The following NCAPG2 variants were observed in gnomAD, a reference collection of about 807,000 sequenced individuals.
The protein encoded by NCAPG2 is non-SMC condensin II complex subunit G2.
NCAPG2 carries 53 observed loss-of-function variants against 141.1 expected under a neutral mutation model. The observed-to-expected ratio is 0.38, with a 90% CI of 0.30 to 0.47. The LOEUF (loss-of-function observed/expected upper bound fraction) is 0.47, where lower values mean the gene tolerates loss of function less well. NCAPG2 is among the 20% of genes least tolerant of loss of function. The probability of loss-of-function intolerance (pLI) is 0.99; values close to 1 mark genes in which losing one functional copy is unlikely to be tolerated. For missense variants in NCAPG2, 1,087 were observed against 1,389.0 expected (o/e 0.78, Z 3.46); for synonymous variants, 499 against 490.7 (o/e 1.02, Z -0.22).
intron 15 of NCAPG2, among the ~76,000 whole-genome samples, chr7:158,663,515 G>A (rs1832695429): frequency 6.6e-6 from 1 of 152,244 alleles, no homozygotes; most frequent in Non-Finnish European, 1.5e-5. Context: ...CAGGGCCTGG[G>A]TGAGCCATCT....
rs139784411 is a variant in NCAPG2 at position 158,679,840 on chromosome 7, T to C, written c.1146+120A>G. ...AAGAACAGTCCAGGTTTAGAAACCATGCCATGTGGGAGCAGAGCTCTGGCG... is the reference window on the plus strand; with the variant it reads ...AAGAACAGTCCAGGTTTAGAAACCACGCCATGTGGGAGCAGAGCTCTGGCG... On this transcript the variant is annotated intron_variant, in intron 11 of 27. Transcript: ENST00000356309. 1.7e-3 allele frequency: 2,291 copies of C among 1,323,334 alleles called. 31 individuals are homozygous for C. The African/African-American group carries it at 0.03, about 17-fold the overall frequency. The allele number at this position is 1,323,334 out of a possible 1,614,324, so 82.0% of individuals were successfully genotyped here. A position where few individuals can be genotyped will look rare whatever the true frequency, so the allele number is the denominator to read the frequency against.
At chr7:158,702,239 T>C (rs1835848241) in intron 1 of NCAPG2, 1 of 202,048 alleles carries the variant, frequency 4.9e-6, no homozygotes. Context: ...ATCTCTCCCT[T>C]TTTAGTACCT....
intron 13 of NCAPG2, chr7:158,668,355 C>A: frequency 1.0e-6 from 1 of 959,776 alleles, no homozygotes; most frequent in Non-Finnish European, 1.2e-6. Context: ...TGGGTCCCTC[C>A]GCCCTCCTTA....
intron 24 of NCAPG2, among the ~76,000 whole-genome samples, chr7:158,650,425 A>T (rs1587101636): frequency 6.6e-6 from 1 of 152,328 alleles, no homozygotes; most frequent in East Asian, 1.9e-4. Context: ...ACATGCAAAG[A>T]TATGTGAACT....
chr7:158,634,384 T>G (rs906097217), intron 27 of NCAPG2, among the ~76,000 whole-genome samples: 3 of 152,312 alleles, frequency 2.0e-5, no homozygotes, highest in East Asian at 3.9e-4. Context: ...TGTTATACTA[T>G]ATACTATATT....
rs560454731 is a variant in NCAPG2 at position 158,655,270 on chromosome 7, C to T, written c.2506-12G>A. 2 of 1,613,678 alleles carry T rather than the reference C, an allele frequency of 1.2e-6. No homozygotes were observed. The highest frequency in any genetic ancestry group is 1.7e-5 in the Admixed American group (1 of 59,912). The stretch of plus-strand genomic sequence containing the variant: ...CCTTCTGAGCAGAACTGTCCAAAAA[C>T]AAGAAGATAAATCAGTAACAAAAAG... On this transcript the variant is annotated splice_polypyrimidine_tract_variant and intron_variant, in intron 20 of 27. Transcript: ENST00000356309.
intron 27 of NCAPG2, among the ~76,000 whole-genome samples, chr7:158,643,991 A>G (rs923738474): frequency 1.6e-4 from 24 of 152,274 alleles, no homozygotes; most frequent in African/African-American, 5.8e-4. Flanking sequence ...TCAATAATGC[A>G]GCAACCACCA....
rs1427466298 is a variant in NCAPG2, at chr7:158,667,224, G to A, written c.1480-2474C>T. The A allele has an allele frequency of 1.0e-5, 10 of 985,292 alleles. No individual in the cohort carries two copies. The African/African-American group carries it at 1.4e-4, about 14-fold the overall frequency. The allele number at this position is 985,292 out of a possible 1,614,324, so 61.0% of individuals were successfully genotyped here. ...CGCAAACGTTCTGCCTTCTTCCTCT[G>A]CTCTGGCGCCCAAACTTCCTGGTGG... On this transcript the variant is annotated intron_variant, in intron 13 of 27. Transcript: ENST00000356309.
At chr7:158,643,951 G>A (rs1830819359) in intron 27 of NCAPG2, among the ~76,000 whole-genome samples, 1 of 152,226 alleles carries the variant, frequency 6.6e-6, no homozygotes, top group African/African-American at 2.4e-5. Context: ...TTGTCCGCTA[G>A]GTGTCTATCC....
chr7:158,686,118 T>C, intron 8 of NCAPG2, 54 bp downstream of exon 8: 2 of 1,095,336 alleles, frequency 1.8e-6, no homozygotes, highest in African/African-American at 1.6e-5. Flanking sequence ...ACTACTTATT[T>C]AGTAACTAAA....
At chr7:158,674,195 C>G (rs576332317) in intron 12 of NCAPG2, among the ~76,000 whole-genome samples, 4 of 152,014 alleles carry the variant, frequency 2.6e-5, no homozygotes, top group Admixed American at 2.6e-4. Flanking sequence ...AATGGGGGAG[C>G]CTCTGCCTCG....
chr7:158,644,219 A>C, intron 27 of NCAPG2, 70 bp downstream of exon 27: 1 of 1,292,830 alleles, frequency 7.7e-7, no homozygotes, highest in Non-Finnish European at 1.1e-6. Flanking sequence ...ATGAAAATAC[A>C]ACCTCATGCA....
Position 158,671,588 on chromosome 7 carries a change from G to A in NCAPG2, c.1405C>T (p.His469Tyr). 1 of 1,614,168 alleles carries A rather than the reference G, an allele frequency of 6.2e-7. No individual in the cohort carries two copies. The highest frequency in any genetic ancestry group is 8.5e-7 in the Non-Finnish European group (1 of 1,180,036). ...QLLPALRYSL[H>Y]DNSEKVRVAF... ...ACCCTCACTTTCTCCGAATTGTCGTGGAGACTGTATCTGAGAGCTGGAAGG... is the reference window on the plus strand; with the variant it reads ...ACCCTCACTTTCTCCGAATTGTCGTAGAGACTGTATCTGAGAGCTGGAAGG... Residue 469 changes from histidine (H) to tyrosine (Y), a missense_variant, in exon 13 of 28, where the codon CAC becomes TAC. Transcript: ENST00000356309.
chr7:158,635,976 T>G (rs1450883946), intron 27 of NCAPG2, among the ~76,000 whole-genome samples: 1 of 152,228 alleles, frequency 6.6e-6, no homozygotes, highest in Non-Finnish European at 1.5e-5. Context: ...GTCAGATTGA[T>G]TTTTTTAGAC....
chr7:158,681,447 T>C (rs1388661190), intron 9 of NCAPG2, among the ~76,000 whole-genome samples: 1 of 152,224 alleles, frequency 6.6e-6, no homozygotes, highest in East Asian at 1.9e-4. Context: ...CTAACAACAA[T>C]TAATTTTGCC....
At chr7:158,656,775 G>A in intron 17 of NCAPG2, 70 bp from the exon 18 acceptor site, 1 of 1,537,940 alleles carries the variant, frequency 6.5e-7, no homozygotes, top group Non-Finnish European at 8.8e-7. Context: ...CAAAAGGTGA[G>A]GAAAACCAAG....
At chr7:158,639,032 T>C (rs762028339) in intron 27 of NCAPG2, among the ~76,000 whole-genome samples, 4 of 152,158 alleles carry the variant, frequency 2.6e-5, no homozygotes, top group Admixed American at 6.5e-5. Context: ...TACTGAGGTA[T>C]TGGGGTGGGC....
At chr7:158,683,444 G>T in intron 8 of NCAPG2, 58 bp from the exon 9 acceptor site, 1 of 1,291,828 alleles carries the variant, frequency 7.7e-7, no homozygotes, top group Non-Finnish European at 1.1e-6. Context: ...CTGACGACCT[G>T]ACAAGCAGTG....
At chr7:158,696,223 C>A (rs1835433416) in intron 2 of NCAPG2, 1 of 152,224 alleles carries the variant, frequency 6.6e-6, no homozygotes, top group South Asian at 2.1e-4. Context: ...GTCTCATCCT[C>A]CAGCCTTTGT....
Sources: gnomAD v4.1 joint callset for allele counts (sites outside exome capture counted in the v4.1 genomes callset) on GRCh38, gnomAD v4.1.1 for gene constraint, MANE v1.5 for transcripts, NCBI Gene and HGNC (gene_info 2026-07-23, HGNC 2026-07-21) for gene names.